CCNY: variants seen among roughly 807,000 people sequenced by gnomAD.
CCNY encodes cyclin-Y.
In CCNY, 19 loss-of-function variants were observed where a neutral mutation model predicts 42.8. The observed-to-expected ratio is 0.44, with a 90% CI of 0.31 to 0.65. The LOEUF (loss-of-function observed/expected upper bound fraction) is 0.65. Ranked by LOEUF, CCNY falls within the 30% of genes least tolerant of loss-of-function variation. The pLI is 0.07. For missense variants in CCNY, 370 were observed against 437.3 expected (o/e 0.85, Z 1.37); for synonymous variants, 165 against 162.7 (o/e 1.01, Z -0.11).
At chr10:35,508,382 T>G (rs1290672723) in intron 3 of CCNY, among the ~76,000 whole-genome samples, 2 of 152,262 alleles carry the variant, frequency 1.3e-5, no homozygotes, top group Admixed American at 1.3e-4. Context: ...TTTTGTGTTC[T>G]TGTGACATGC....
intron 1 of CCNY, among the ~76,000 whole-genome samples, chr10:35,435,142 A>G (rs1838500986): frequency 6.6e-6 from 1 of 152,180 alleles, no homozygotes; most frequent in African/African-American, 2.4e-5. Context: ...GAGAGTGTCT[A>G]TCCAGGGCCA....
At chr10:35,373,973 A>G (rs1038731554) in intron 1 of CCNY, among the ~76,000 whole-genome samples, 1 of 151,648 alleles carries the variant, frequency 6.6e-6, no homozygotes, top group Non-Finnish European at 1.5e-5. Context: ...TGTTAATTGC[A>G]TAGAAGGAAG....
intron 3 of CCNY, among the ~76,000 whole-genome samples, chr10:35,322,797 A>G (rs1227387950): frequency 6.6e-6 from 1 of 152,266 alleles, no homozygotes; most frequent in Non-Finnish European, 1.5e-5. Flanking sequence ...ACCACTACGT[A>G]TCCATTAGGA....
At chr10:35,348,926 G>A (rs1836367699) in intron 1 of CCNY, among the ~76,000 whole-genome samples, 1 of 151,942 alleles carries the variant, frequency 6.6e-6, no homozygotes. Flanking sequence ...TTGTATCCAG[G>A]ATATTTTGTA....
At chr10:35,264,050 T>A (rs1221455540) in intron 3 of CCNY, among the ~76,000 whole-genome samples, 1 of 152,234 alleles carries the variant, frequency 6.6e-6, no homozygotes, top group Non-Finnish European at 1.5e-5. Flanking sequence ...ATGGTGTCTA[T>A]GTACCACATT....
intron 1 of CCNY, among the ~76,000 whole-genome samples, chr10:35,353,514 C>G (rs535186183): frequency 3.3e-5 from 5 of 152,316 alleles, no homozygotes; most frequent in African/African-American, 1.2e-4. Flanking sequence ...GAATCACAGG[C>G]TGTTCAGAGC....
rs955476264 is a variant in CCNY at position 35,297,350 on chromosome 10, T to A, written c.-9+46724T>A. Among the ~76,000 whole-genome samples the A allele has an allele frequency of 2.0e-5, 3 of 152,074 alleles. No homozygotes were observed. In the East Asian group the frequency reaches 5.8e-4, roughly 29 times the overall value. ...CAATAAACAAGGCATTGAAGGAATA[T>A]ACGTCAAAATAATAAGAGCTATCTA... On this transcript the variant is annotated intron_variant, in intron 3 of 11. Transcript: ENST00000374706.
intron 3 of CCNY, among the ~76,000 whole-genome samples, chr10:35,298,006 G>GAA (rs56705492): frequency 1.6e-5 from 2 of 128,906 alleles, no homozygotes; most frequent in Admixed American, 7.9e-5. Flanking sequence ...AAGTTCTTAT[G>GAA]AAAAAAAAAA....
chr10:35,341,110 C>T (rs1398721227), intron 1 of CCNY, among the ~76,000 whole-genome samples: 6 of 152,188 alleles, frequency 3.9e-5, no homozygotes, highest in African/African-American at 1.4e-4. Flanking sequence ...CTCGTTATTG[C>T]ACAAGTAAAA....
intron 7 of CCNY, among the ~76,000 whole-genome samples, chr10:35,543,520 A>G (rs1011698594): frequency 1.3e-5 from 2 of 152,170 alleles, no homozygotes; most frequent in Non-Finnish European, 2.9e-5. Context: ...ATCCTAGCGT[A>G]TCCTAGGTTT....
chr10:35,378,964 C>G (rs528797063), intron 1 of CCNY, among the ~76,000 whole-genome samples: 1 of 152,054 alleles, frequency 6.6e-6, no homozygotes, highest in South Asian at 2.1e-4. Flanking sequence ...TGGCCAGAGT[C>G]AAGGGAGACA....
At chr10:35,377,156 A>T (rs184727462) in intron 1 of CCNY, among the ~76,000 whole-genome samples, 68 of 152,194 alleles carry the variant, frequency 4.5e-4, no homozygotes, top group East Asian at 2.7e-3. Context: ...ATTACTTTTT[A>T]AAAAAATATA....
chr10:35,492,109 A>G (rs1839911050), intron 2 of CCNY, among the ~76,000 whole-genome samples: 2 of 151,916 alleles, frequency 1.3e-5, no homozygotes, highest in South Asian at 2.1e-4. Flanking sequence ...TGCCTCCATC[A>G]TGTCCTCTCT....
chr10:35,357,143 G>C (rs970204397), intron 1 of CCNY, among the ~76,000 whole-genome samples: 2 of 152,116 alleles, frequency 1.3e-5, no homozygotes, highest in East Asian at 3.9e-4. Flanking sequence ...TTTTTCCTAA[G>C]AACATAATCC....
chr10:35,254,122 C>T (rs1262984609), intron 3 of CCNY, among the ~76,000 whole-genome samples: 4 of 152,242 alleles, frequency 2.6e-5, no homozygotes, highest in South Asian at 2.1e-4. Context: ...TGTGATCCGC[C>T]GGCCTCAGCC....
At chr10:35,302,310 ATT>A (rs145385043) in intron 3 of CCNY, among the ~76,000 whole-genome samples, 13 of 120,764 alleles carry the variant, frequency 1.1e-4, no homozygotes, top group Non-Finnish European at 1.1e-4. Flanking sequence ...TGACATCTTA[ATT>A]TTTTTTTTTT....
chr10:35,337,113 C>T lies in CCNY; in HGVS notation c.60C>T (p.His20=). 1 of 1,593,608 alleles carries T rather than the reference C, an allele frequency of 6.3e-7. No homozygotes were observed. The highest frequency in any genetic ancestry group is 8.5e-7 in the Non-Finnish European group (1 of 1,172,044). ...GTCCCAAGCTCCGGAGGAATGCCCA[C>T]TCCCGGCTGGAGTCCTACCGGCCAG... ...SSSPKLRRNA[H]SRLESYRPDT... Residue 20 remains histidine (H), a synonymous_variant, in exon 1 of 10, where the codon CAC becomes CAT. Transcript: ENST00000374704.
rs193221028 is a variant in CCNY, at chr10:35,482,876, G to A, written c.155-528G>A. ...AAAAAGTAGGGATCAAACAAAACAT[G>A]TCTGGGGCCCAGATTAGGTCCACAA... On this transcript the variant is annotated intron_variant, in intron 1 of 9. Coordinates refer to ENST00000374704, the MANE Select transcript of CCNY (RefSeq NM_145012.6). Among the ~76,000 whole-genome samples the A allele has an allele frequency of 3.9e-3, 591 of 151,954 alleles. 8 individuals carry two copies. Among genetic ancestry groups the A allele is most frequent in the Non-Finnish European group, 5.3e-3 (361 of 67,972 alleles).
intron 1 of CCNY, among the ~76,000 whole-genome samples, chr10:35,371,794 G>A (rs953065553): frequency 3.0e-4 from 45 of 152,298 alleles, no homozygotes; most frequent in African/African-American, 1.1e-3. Context: ...GCAGGAACCG[G>A]GAGAAGCAGC....
Sources: gnomAD v4.1 joint callset for allele counts (sites outside exome capture counted in the v4.1 genomes callset) on GRCh38, gnomAD v4.1.1 for gene constraint, MANE v1.5 for transcripts, NCBI Gene and HGNC (gene_info 2026-07-23, HGNC 2026-07-21) for gene names.